TENM2: variants seen among roughly 807,000 people sequenced by gnomAD.
The protein encoded by TENM2 is teneurin transmembrane protein 2.
TENM2 carries 52 observed loss-of-function variants against 245.2 expected under a neutral mutation model. The observed-to-expected ratio is 0.21, with a 90% CI of 0.17 to 0.27. The LOEUF is 0.27. TENM2 is among the 10% of genes least tolerant of loss of function. TENM2 has a pLI of 1.00. For missense variants in TENM2, 3,046 were observed against 3,666.8 expected (o/e 0.83, Z 4.37); for synonymous variants, 1,363 against 1,438.9 (o/e 0.95, Z 1.19).
chr5:167,388,582 A>C (rs934313475), intron 2 of TENM2, among the ~76,000 whole-genome samples: 1 of 151,156 alleles, frequency 6.6e-6, no homozygotes, highest in African/African-American at 2.4e-5. Context: ...TAGTTCCTTG[A>C]GGTGTGATCT....
the TENM2 span, among the ~76,000 whole-genome samples, chr5:167,105,724 T>A: frequency 4.0e-5 from 6 of 149,218 alleles, no homozygotes; most frequent in African/African-American, 1.5e-4. Flanking sequence ...CCGTCTCTAC[T>A]AAAAATACAA....
At chr5:167,450,248 G>C (rs896087745) in intron 2 of TENM2, among the ~76,000 whole-genome samples, 1 of 151,850 alleles carries the variant, frequency 6.6e-6, no homozygotes, top group Non-Finnish European at 1.5e-5. Flanking sequence ...CCTATGACTG[G>C]AACATTGTTC....
chr5:168,007,391 A>G (rs1458273709), intron 5 of TENM2, among the ~76,000 whole-genome samples: 1 of 152,184 alleles, frequency 6.6e-6, no homozygotes, highest in Non-Finnish European at 1.5e-5. Context: ...GGCCTCCTAA[A>G]GTGCTGGGAT....
intron 25 of TENM2, among the ~76,000 whole-genome samples, chr5:168,233,303 C>T (rs1238416478): frequency 6.6e-6 from 1 of 152,010 alleles, no homozygotes; most frequent in Non-Finnish European, 1.5e-5. Context: ...TCCAGTCTGG[C>T]AGCAGAGTGA....
At chr5:167,353,503 T>TC (rs1759080569) in intron 1 of TENM2, among the ~76,000 whole-genome samples, 1 of 95,184 alleles carries the variant, frequency 1.1e-5, no homozygotes, top group East Asian at 2.8e-4. Flanking sequence ...TGTTGTTGTT[T>TC]TTTTTTTTTT....
At chr5:167,933,311 G>C (rs1778430702) in intron 3 of TENM2, among the ~76,000 whole-genome samples, 1 of 152,144 alleles carries the variant, frequency 6.6e-6, no homozygotes, top group South Asian at 2.1e-4. Flanking sequence ...AAACTTCAGA[G>C]ATGAACAGCA....
intron 3 of TENM2, among the ~76,000 whole-genome samples, chr5:167,945,145 A>C (rs1779507908): frequency 6.6e-6 from 1 of 152,168 alleles, no homozygotes; most frequent in African/African-American, 2.4e-5. Flanking sequence ...ATTCATCACC[A>C]CTAGTTTTAT....
At chr5:166,980,054 G>T in the TENM2 span, among the ~76,000 whole-genome samples, 5 of 152,284 alleles carry the variant, frequency 3.3e-5, no homozygotes, top group Admixed American at 3.3e-4. Context: ...CATTCCAAAA[G>T]AGAATTTCTT....
chr5:167,745,321 A>G (rs534258635), intron 2 of TENM2, among the ~76,000 whole-genome samples: 4 of 152,338 alleles, frequency 2.6e-5, no homozygotes, highest in South Asian at 2.1e-4. Flanking sequence ...GAAGACAGCA[A>G]TGTATTTCCC....
At chr5:167,515,631 A>ATATACACATATATACG (rs1332550494) in intron 2 of TENM2, among the ~76,000 whole-genome samples, 1 of 62,788 alleles carries the variant, frequency 1.6e-5, no homozygotes, top group East Asian at 3.5e-4. Context: ...ATATATATAC[A>ATATACACATATATACG]TATATATGTA....
intron 2 of TENM2, among the ~76,000 whole-genome samples, chr5:167,520,314 G>A (rs1462065139): frequency 6.6e-6 from 1 of 152,188 alleles, no homozygotes; most frequent in African/African-American, 2.4e-5. Flanking sequence ...GAAACAGCAG[G>A]ATCTCGGCAG....
At chr5:167,693,698 C>T (rs1461278187) in intron 2 of TENM2, among the ~76,000 whole-genome samples, 2 of 150,484 alleles carry the variant, frequency 1.3e-5, no homozygotes. Context: ...GAGTGAAGGG[C>T]CTGGAGTTGA....
At chr5:167,450,039 G>A (rs137942645) in intron 2 of TENM2, among the ~76,000 whole-genome samples, 1,875 of 152,206 alleles carry the variant, frequency 0.012, 17 homozygotes, top group Middle Eastern at 0.02. Flanking sequence ...GGATGAATGC[G>A]TGGCTAGATG....
chr5:167,476,887 C>G (rs186325444), intron 2 of TENM2, among the ~76,000 whole-genome samples: 8 of 152,328 alleles, frequency 5.3e-5, no homozygotes, highest in African/African-American at 1.9e-4. Context: ...GAGTGAGCCA[C>G]TGTGCCCAGC....
At chr5:167,001,192 T>C in the TENM2 span, among the ~76,000 whole-genome samples, 3 of 152,184 alleles carry the variant, frequency 2.0e-5, no homozygotes, top group Non-Finnish European at 4.4e-5. Flanking sequence ...AGGTGTACAT[T>C]GGCAATGGAA....
the TENM2 span, among the ~76,000 whole-genome samples, chr5:167,187,965 C>T: frequency 5.3e-5 from 8 of 152,088 alleles, no homozygotes; most frequent in South Asian, 2.1e-4. Context: ...GTTACAGCAG[C>T]GTCAGGAGTT....
intron 2 of TENM2, among the ~76,000 whole-genome samples, chr5:167,509,995 T>C (rs918676412): frequency 2.6e-5 from 4 of 152,204 alleles, no homozygotes; most frequent in South Asian, 4.1e-4. Context: ...TATCATCTTA[T>C]GTGGCTGTCT....
Position 168,132,036 on chromosome 5 carries a change from C to G in TENM2, c.2422+5070C>G, listed in dbSNP as rs374332796. ...ATTGCTGATTCTCCCCCACCACCCC[C>G]CTATAATTTGGCCAAAACATGAGCT... On this transcript the variant is annotated intron_variant, in intron 12 of 28. Coordinates refer to ENST00000518659, the Ensembl canonical transcript of TENM2. Among the ~76,000 whole-genome samples the G allele has an allele frequency of 3.9e-5, 6 of 152,006 alleles. No individual in the cohort carries two copies. The East Asian group carries it at 7.7e-4, about 20-fold the overall frequency.
chr5:167,353,866 G>C (rs984499277), intron 1 of TENM2, among the ~76,000 whole-genome samples: 1 of 152,106 alleles, frequency 6.6e-6, no homozygotes, highest in African/African-American at 2.4e-5. Flanking sequence ...GGAGTGGTTG[G>C]AGAGAGAGCA....
Sources: gnomAD v4.1 joint callset for allele counts (sites outside exome capture counted in the v4.1 genomes callset) on GRCh38, gnomAD v4.1.1 for gene constraint, MANE v1.5 for transcripts, NCBI Gene and HGNC (gene_info 2026-07-23, HGNC 2026-07-21) for gene names.